The following MMP16 variants were observed in gnomAD, a reference collection of about 807,000 sequenced individuals.
The protein encoded by MMP16 is matrix metalloproteinase-16.
MMP16 carries 12 observed loss-of-function variants against 67.8 expected under a neutral mutation model. That is an observed-to-expected ratio of 0.18 (90% CI 0.11 to 0.29). The LOEUF is 0.29. Among genes scored for constraint, MMP16 ranks in the 10% least tolerant of loss-of-function variants. The pLI, the probability that MMP16 is intolerant of heterozygous loss-of-function variation, is 1.00. For synonymous variants in MMP16, 249 were observed against 255.9 expected, an observed-to-expected ratio of 0.97 and a Z score of 0.26; for missense variants, 475 against 765.7, an observed-to-expected ratio of 0.62 and a Z score of 4.48.
intron 2 of MMP16, among the ~76,000 whole-genome samples, chr8:88,193,007 A>G (rs1321748931): frequency 6.6e-6 from 1 of 152,134 alleles, no homozygotes; most frequent in East Asian, 1.9e-4. Context: ...GGTTCCTCAA[A>G]AAACTAAAAA....
At chr8:88,238,714 T>C (rs1809986108) in intron 1 of MMP16, among the ~76,000 whole-genome samples, 1 of 151,540 alleles carries the variant, frequency 6.6e-6, no homozygotes, top group Non-Finnish European at 1.5e-5. Flanking sequence ...TTTCCTATCC[T>C]TCTGCCTTTT....
At chr8:88,147,904 T>C (rs1679205513) in intron 4 of MMP16, among the ~76,000 whole-genome samples, 1 of 152,122 alleles carries the variant, frequency 6.6e-6, no homozygotes, top group Admixed American at 6.6e-5. Flanking sequence ...ACTTTGCACT[T>C]TGCATACTCT....
chr8:88,128,324 C>T (rs1047761039), intron 4 of MMP16, among the ~76,000 whole-genome samples: 1 of 151,712 alleles, frequency 6.6e-6, no homozygotes, highest in Non-Finnish European at 1.5e-5. Flanking sequence ...ACTAAAGAAA[C>T]AATTCTGATT....
At chr8:88,144,986 T>C (rs550887501) in intron 4 of MMP16, among the ~76,000 whole-genome samples, 1 of 152,154 alleles carries the variant, frequency 6.6e-6, no homozygotes, top group South Asian at 2.1e-4. Context: ...CGTATGCTTA[T>C]ATATGTTTTA....
intron 2 of MMP16, among the ~76,000 whole-genome samples, chr8:88,187,960 C>A (rs538080929): frequency 2.6e-5 from 4 of 152,170 alleles, no homozygotes; most frequent in Non-Finnish European, 4.4e-5. Flanking sequence ...AGAGGGTATC[C>A]AGCTTTATGG....
At chr8:88,260,443 G>A (rs950812025) in intron 1 of MMP16, among the ~76,000 whole-genome samples, 1 of 151,868 alleles carries the variant, frequency 6.6e-6, no homozygotes, top group African/African-American at 2.4e-5. Context: ...GATTTCTGGA[G>A]TCAATTATTG....
chr8:88,050,363 C>G (rs1304799122), intron 8 of MMP16, among the ~76,000 whole-genome samples: 1 of 152,062 alleles, frequency 6.6e-6, no homozygotes, highest in East Asian at 1.9e-4. Flanking sequence ...ACTTAAAATC[C>G]TGAGGACAAT....
intron 1 of MMP16, among the ~76,000 whole-genome samples, chr8:88,197,849 C>T (rs919325592): frequency 6.6e-6 from 1 of 152,266 alleles, no homozygotes; most frequent in South Asian, 2.1e-4. Flanking sequence ...TCTATCCAAT[C>T]GTAGCTAGGT....
intron 4 of MMP16, among the ~76,000 whole-genome samples, chr8:88,120,704 CA>C (rs1483000825): frequency 5.3e-5 from 8 of 151,990 alleles, no homozygotes; most frequent in Non-Finnish European, 1.2e-4. Flanking sequence ...AGCCTAGTCA[CA>C]CATGAACTCA....
intron 1 of MMP16, among the ~76,000 whole-genome samples, chr8:88,223,778 C>A (rs1447445318): frequency 6.6e-6 from 1 of 151,534 alleles, no homozygotes; most frequent in Non-Finnish European, 1.5e-5. Flanking sequence ...CAACATGGCA[C>A]ATGTATACAT....
intron 1 of MMP16, among the ~76,000 whole-genome samples, chr8:88,284,433 A>G (rs1460235914): frequency 1.3e-5 from 2 of 152,044 alleles, no homozygotes; most frequent in African/African-American, 2.4e-5. Context: ...TCCATATACA[A>G]TGACGATACT....
At chr8:88,257,742 A>G (rs1274171310) in intron 1 of MMP16, among the ~76,000 whole-genome samples, 1 of 152,226 alleles carries the variant, frequency 6.6e-6, no homozygotes, top group Non-Finnish European at 1.5e-5. Context: ...CAAATATCCT[A>G]GTATTTCATT....
Position 88,164,752 on chromosome 8 carries a change from C to T in MMP16, c.709+2917G>A, listed in dbSNP as rs147478283. ...GTTTTGTTTAGATTTTTTGGTCATT[C>T]GTCTATGCGTAAAGAATGTTACACT... On this transcript the variant is annotated intron_variant, in intron 4 of 9. Transcript: ENST00000286614. Among the ~76,000 whole-genome samples, 13 of 151,784 alleles carry T rather than the reference C, an allele frequency of 8.6e-5. No individual in the cohort carries two copies. In the East Asian group the frequency reaches 2.1e-3, roughly 25 times the overall value.
At chr8:88,056,318 A>G in intron 7 of MMP16, 40 bp from the exon 8 acceptor site, 1 of 1,161,258 alleles carries the variant, frequency 8.6e-7, no homozygotes. Context: ...TATTAATTTA[A>G]TGTCATAATT....
chr8:88,159,615 C>A (rs1007643831), intron 4 of MMP16, among the ~76,000 whole-genome samples: 2 of 152,070 alleles, frequency 1.3e-5, no homozygotes, highest in Admixed American at 6.6e-5. Flanking sequence ...TAATTGAATA[C>A]CCTTTATTTC....
At chr8:88,188,439 A>G (rs1402727612) in intron 2 of MMP16, among the ~76,000 whole-genome samples, 4 of 152,210 alleles carry the variant, frequency 2.6e-5, no homozygotes, top group Non-Finnish European at 4.4e-5. Context: ...CATTTAAGTA[A>G]GCAATCTGTG....
chr8:88,243,245 G>A (rs1281663913), intron 1 of MMP16, among the ~76,000 whole-genome samples: 1 of 152,156 alleles, frequency 6.6e-6, no homozygotes, highest in Non-Finnish European at 1.5e-5. Flanking sequence ...GTTTGCTGAA[G>A]CATAGTATTT....
chr8:88,100,989 A>AG (rs1398552067), intron 6 of MMP16, among the ~76,000 whole-genome samples: 1 of 121,518 alleles, frequency 8.2e-6, no homozygotes, highest in African/African-American at 3.1e-5. Context: ...GGGTGAGGGG[A>AG]GGGGGGAGGG....
At chr8:88,137,903 A>T (rs927462770) in intron 4 of MMP16, among the ~76,000 whole-genome samples, 3 of 151,934 alleles carry the variant, frequency 2.0e-5, no homozygotes, top group Non-Finnish European at 4.4e-5. Context: ...CCATTCTTCT[A>T]TGAAATACAT....
Sources: allele counts gnomAD v4.1 joint callset (sites outside exome capture counted in the v4.1 genomes callset), GRCh38; gene constraint gnomAD v4.1.1; transcripts MANE v1.5; gene names NCBI Gene and HGNC (gene_info 2026-07-23, HGNC 2026-07-21).